OR7E24: variants seen among roughly 807,000 people sequenced by gnomAD.
OR7E24 encodes the protein olfactory receptor 7E24.
For missense variants in OR7E24, 385 were observed against 410.3 expected (o/e 0.94, Z 0.53); for synonymous variants, 130 against 157.5 (o/e 0.83, Z 1.31).
chr19:9,237,591 A>T, the OR7E24 span, among the ~76,000 whole-genome samples: 6 of 152,146 alleles, frequency 3.9e-5, no homozygotes, highest in African/African-American at 1.4e-4. Flanking sequence ...CTGGGATTAC[A>T]GGCATGAGCC....
At chr19:9,214,745 G>A in the OR7E24 span, 11 of 1,613,916 alleles carry the variant, frequency 6.8e-6, no homozygotes, top group African/African-American at 8.0e-5. Context: ...ACATGGACAG[G>A]AACAGCCCAA....
the OR7E24 span, among the ~76,000 whole-genome samples, chr19:9,231,795 G>A: frequency 6.6e-6 from 1 of 151,834 alleles, no homozygotes; most frequent in Non-Finnish European, 1.5e-5. Flanking sequence ...ACATGTTCAC[G>A]GTGTATGATT....
chr19:9,214,673 G>C, the OR7E24 span: 1 of 1,614,188 alleles, frequency 6.2e-7, no homozygotes, highest in Non-Finnish European at 8.5e-7. Flanking sequence ...TGGGGGTGTG[G>C]AGGTGGGAGT....
the OR7E24 span, among the ~76,000 whole-genome samples, chr19:9,238,322 C>T: frequency 6.6e-6 from 1 of 151,994 alleles, no homozygotes; most frequent in South Asian, 2.1e-4. Context: ...GAAGTGGTGT[C>T]TCATTGTGCT....
At chr19:9,212,394 C>G in the OR7E24 span, 3 of 151,998 alleles carry the variant, frequency 2.0e-5, no homozygotes, top group Non-Finnish European at 2.9e-5. Flanking sequence ...ATACTGGCTA[C>G]CAAATTTGCA....
the OR7E24 span, among the ~76,000 whole-genome samples, chr19:9,228,220 C>T: frequency 1.3e-5 from 2 of 152,120 alleles, no homozygotes; most frequent in African/African-American, 4.8e-5. Flanking sequence ...TCTCACTGTC[C>T]ACCCTTGAGT....
the OR7E24 span, among the ~76,000 whole-genome samples, chr19:9,234,311 G>A: frequency 6.6e-6 from 1 of 152,232 alleles, no homozygotes; most frequent in East Asian, 1.9e-4. Context: ...ATTGTACCTT[G>A]GAAGAGTGAT....
the OR7E24 span, chr19:9,208,462 A>T: frequency 6.6e-6 from 1 of 152,226 alleles, no homozygotes; most frequent in South Asian, 2.1e-4. Context: ...CTTTGTGAAG[A>T]GAGTCCAACT....
At chr19:9,213,214 A>G in the OR7E24 span, 1 of 152,222 alleles carries the variant, frequency 6.6e-6, no homozygotes, top group Non-Finnish European at 1.5e-5. Context: ...TCAACATTCA[A>G]CAGGATAATT....
the OR7E24 span, among the ~76,000 whole-genome samples, chr19:9,230,946 C>T: frequency 6.6e-6 from 1 of 152,050 alleles, no homozygotes; most frequent in African/African-American, 2.4e-5. Flanking sequence ...GAGTCTTGCT[C>T]TGTGGCCCAG....
At chr19:9,213,670 A>G in the OR7E24 span, 1 of 490,094 alleles carries the variant, frequency 2.0e-6, no homozygotes. Flanking sequence ...CCTGGGAGGT[A>G]GAGGTTGCAG....
the OR7E24 span, among the ~76,000 whole-genome samples, chr19:9,229,570 A>G: frequency 6.6e-6 from 1 of 152,102 alleles, no homozygotes. Flanking sequence ...AAAAAAAGAA[A>G]TTAAACTTTC....
chr19:9,238,789 G>A, the OR7E24 span, among the ~76,000 whole-genome samples: 584 of 152,290 alleles, frequency 3.8e-3, 2 homozygotes, highest in African/African-American at 0.013. Flanking sequence ...CAAGCCGTGC[G>A]TGGTTTATTT....
the OR7E24 span, chr19:9,214,651 G>A: frequency 1.7e-5 from 27 of 1,614,060 alleles, 1 homozygote; most frequent in Non-Finnish European, 1.7e-6. Context: ...AGGTTGGAGA[G>A]GAAGAAGTAC....
Position 9,250,982 on chromosome 19 carries a change from A to G in OR7E24, c.-62A>G. On this transcript the variant is annotated 5_prime_UTR_variant, in exon 1 of 1. Transcript: ENST00000456448. ...CTGAGGGTGTATAATCCTATGTGAA[A>G]ACTTAATTTCTTAATTGCTTGTATC... 7.8e-7 allele frequency: 1 copy of G among 1,280,774 alleles called. No homozygotes were observed. Among genetic ancestry groups the G allele is most frequent in the Non-Finnish European group, 1.1e-6 (1 of 937,970 alleles). 79.3% of individuals were successfully genotyped at this position (1,280,774 alleles called of 1,614,324 possible).
upstream of OR7E24, among the ~76,000 whole-genome samples, chr19:9,247,145 C>T (rs2066132758): frequency 6.6e-6 from 1 of 152,128 alleles, no homozygotes; most frequent in Non-Finnish European, 1.5e-5. Flanking sequence ...ATAGTACACT[C>T]AGGATTCCTC....
At chr19:9,211,731 C>T in the OR7E24 span, 5 of 146,670 alleles carry the variant, frequency 3.4e-5, no homozygotes, top group Admixed American at 7.0e-5. Flanking sequence ...GTAATCCCAG[C>T]GCCACTGTGC....
At chr19:9,246,434 C>G (rs1042730074), upstream of OR7E24, among the ~76,000 whole-genome samples, 1 of 144,278 alleles carries the variant, frequency 6.9e-6, no homozygotes, top group African/African-American at 2.6e-5. Context: ...TTGCCATTTA[C>G]GTGGGATAAA....
At chr19:9,239,359 A>G in the OR7E24 span, among the ~76,000 whole-genome samples, 1 of 151,924 alleles carries the variant, frequency 6.6e-6, no homozygotes, top group African/African-American at 2.4e-5. Context: ...TTTTTAGTAG[A>G]GACGGGGCTT....
Sources: gnomAD v4.1 joint callset for allele counts (sites outside exome capture counted in the v4.1 genomes callset) on GRCh38, gnomAD v4.1.1 for gene constraint, MANE v1.5 for transcripts, NCBI Gene and HGNC (gene_info 2026-07-23, HGNC 2026-07-21) for gene names.